GALNT1: variants seen among roughly 807,000 people sequenced by gnomAD.
The protein encoded by GALNT1 is polypeptide N-acetylgalactosaminyltransferase 1.
GALNT1 carries 17 observed loss-of-function variants against 65.7 expected under a neutral mutation model. The observed-to-expected ratio is 0.26, with a 90% CI of 0.18 to 0.39. The LOEUF (loss-of-function observed/expected upper bound fraction) is 0.39. Among genes scored for constraint, GALNT1 ranks in the 10% least tolerant of loss-of-function variants. The pLI is 1.00. For missense variants in GALNT1, 460 were observed against 672.8 expected (o/e 0.68, Z 3.50); for synonymous variants, 210 against 219.7 (o/e 0.96, Z 0.39).
chr18:35,695,725 T>C (rs796699741), intron 9 of GALNT1, among the ~76,000 whole-genome samples: 4 of 152,290 alleles, frequency 2.6e-5, no homozygotes, highest in African/African-American at 9.6e-5. Context: ...GAGGGCTACA[T>C]TGAGTTTCTT....
At chr18:35,604,370 C>T (rs1214197338) in intron 1 of GALNT1, among the ~76,000 whole-genome samples, 2 of 152,074 alleles carry the variant, frequency 1.3e-5, no homozygotes, top group African/African-American at 4.8e-5. Context: ...GTGAGTAGTG[C>T]TGCGATAAAC....
intron 1 of GALNT1, among the ~76,000 whole-genome samples, chr18:35,587,801 C>A (rs557317931): frequency 6.6e-6 from 1 of 152,132 alleles, no homozygotes; most frequent in Non-Finnish European, 1.5e-5. Context: ...AGCAATGTTT[C>A]CCTCTCAGCA....
In GALNT1 at chr18:35,709,844, TAAG is replaced by T; in HGVS notation, c.*75_*77del. The T allele has an allele frequency of 2.6e-6, 4 of 1,543,460 alleles. No homozygotes were observed. The highest frequency in any genetic ancestry group is 3.5e-6 in the Non-Finnish European group (4 of 1,135,074). ...TCAGCATACATTTCTGCCACATTCT[TAAG>T]TAGCAAAAAAGGAAAAGTGCTTTCC... is the stretch of plus-strand genomic sequence containing the variant. On this transcript the variant is annotated 3_prime_UTR_variant, in exon 12 of 12. Transcript: ENST00000269195.
intron 1 of GALNT1, among the ~76,000 whole-genome samples, chr18:35,615,582 G>A (rs925371161): frequency 6.6e-6 from 1 of 152,140 alleles, no homozygotes; most frequent in Non-Finnish European, 1.5e-5. Flanking sequence ...GATCTCTTGG[G>A]TTTTGTGTGC....
At chr18:35,585,226 C>T (rs149055827) in intron 1 of GALNT1, among the ~76,000 whole-genome samples, 1 of 152,256 alleles carries the variant, frequency 6.6e-6, no homozygotes, top group African/African-American at 2.4e-5. Flanking sequence ...TTCACAACCC[C>T]CGACACATGC....
Position 35,691,153 on chromosome 18 carries a change from A to T in GALNT1, c.1120A>T (p.Met374Leu). The change falls in exon 8 of 12, where the codon ATG becomes TTG. Residue 374 changes from methionine (M) to leucine (L), a missense_variant. Physicochemically the swap from Met to Leu is conservative, Grantham distance 15. Coordinates refer to ENST00000269195, the MANE Select transcript of GALNT1 (RefSeq NM_020474.4). The stretch of plus-strand genomic sequence containing the variant: ...TAACAGACGACTTGCAGAAGTGTGG[A>T]TGGATGAATTCAAGAATTTCTTCTA... ...KNNRRLAEVW[M>L]DEFKNFFYII... The T allele has an allele frequency of 6.2e-7, 1 of 1,605,846 alleles. No individual in the cohort carries two copies. The highest frequency in any genetic ancestry group is 8.5e-7 in the Non-Finnish European group (1 of 1,177,728).
At chr18:35,665,554 G>A (rs986981218) in intron 3 of GALNT1, among the ~76,000 whole-genome samples, 3 of 152,132 alleles carry the variant, frequency 2.0e-5, no homozygotes, top group African/African-American at 7.2e-5. Context: ...CCAAGACATT[G>A]TGACTTTCAG....
chr18:35,589,129 C>T (rs2046413707), intron 1 of GALNT1, among the ~76,000 whole-genome samples: 2 of 152,174 alleles, frequency 1.3e-5, no homozygotes, highest in Non-Finnish European at 2.9e-5. Context: ...ATTAGAAGTA[C>T]AGGCTCCCCA....
intron 9 of GALNT1, among the ~76,000 whole-genome samples, chr18:35,696,947 G>A (rs988819337): frequency 6.6e-6 from 1 of 152,198 alleles, no homozygotes; most frequent in East Asian, 1.9e-4. Flanking sequence ...TACTGATTCT[G>A]GAGGAGACTA....
intron 3 of GALNT1, among the ~76,000 whole-genome samples, 157 bp from the exon 4 acceptor site, chr18:35,677,434 A>G (rs1471815955): frequency 6.6e-6 from 1 of 152,250 alleles, no homozygotes; most frequent in African/African-American, 2.4e-5. Context: ...GCTATTTATT[A>G]AACACATAAC....
Position 35,636,539 on chromosome 18 carries a change from G to T in GALNT1, c.-103-18021G>T, listed in dbSNP as rs147527006. Among the ~76,000 whole-genome samples the T allele has an allele frequency of 4.6e-4, 70 of 152,258 alleles. 1 individual carries two copies. Among genetic ancestry groups the T allele is most frequent in the African/African-American group, 1.4e-3 (60 of 41,540 alleles). ...ATCTTGATGTTTCTTTGCCTGTCAG[G>T]TTTCCTTAATTGATATTTCTCTTTG... On this transcript the variant is annotated intron_variant, in intron 1 of 11. Transcript: ENST00000269195.
chr18:35,612,420 AT>A (rs942008365), intron 1 of GALNT1, among the ~76,000 whole-genome samples: 1 of 152,126 alleles, frequency 6.6e-6, no homozygotes, highest in Non-Finnish European at 1.5e-5. Context: ...TAATTTAACC[AT>A]TTTTTCAGTA....
Position 35,639,100 on chromosome 18 carries a change from A to G in GALNT1, c.-103-15460A>G, listed in dbSNP as rs139156252. On this transcript the variant is annotated intron_variant, in intron 1 of 11. Coordinates refer to ENST00000269195, the MANE Select transcript of GALNT1 (RefSeq NM_020474.4). ...AAACCTAGTTGATAAAGCAGTGGCA[A>G]GGGGTTTGAGAGGATTGGCTTCAAT... 1.4e-4 allele frequency among the ~76,000 whole-genome samples: 22 copies of G among 152,364 alleles called. No homozygotes were observed. The East Asian group carries it at 3.7e-3, about 25-fold the overall frequency.
chr18:35,684,703 A>G (rs1401530063), intron 5 of GALNT1, among the ~76,000 whole-genome samples: 1 of 152,216 alleles, frequency 6.6e-6, no homozygotes, highest in Non-Finnish European at 1.5e-5. Flanking sequence ...TAAATGCATC[A>G]TTGAGTTGGC....
At chr18:35,611,391 A>G (rs1215006181) in intron 1 of GALNT1, among the ~76,000 whole-genome samples, 1 of 152,202 alleles carries the variant, frequency 6.6e-6, no homozygotes, top group African/African-American at 2.4e-5. Context: ...CCTGTGCCAT[A>G]GTTTAACTTT....
chr18:35,689,632 C>T (rs554937921), intron 7 of GALNT1, among the ~76,000 whole-genome samples: 3 of 123,474 alleles, frequency 2.4e-5, no homozygotes, highest in African/African-American at 8.9e-5. Flanking sequence ...ATAAATTTCA[C>T]ATTTAAACAT....
At chr18:35,645,218 GTTTT>G (rs1166987925) in intron 1 of GALNT1, among the ~76,000 whole-genome samples, 27 of 54,362 alleles carry the variant, frequency 5.0e-4, no homozygotes, top group African/African-American at 1.7e-3. Flanking sequence ...TATTTTGAAT[GTTTT>G]TTTTTTTTTT....
chr18:35,592,503 C>CATTGGTG (rs759563106), intron 1 of GALNT1, among the ~76,000 whole-genome samples: 19 of 151,840 alleles, frequency 1.3e-4, no homozygotes, highest in Non-Finnish European at 2.8e-4. Flanking sequence ...GCTGAAGGGC[C>CATTGGTG]ATTGGTGCAA....
chr18:35,628,025 G>C (rs917761336), intron 1 of GALNT1, among the ~76,000 whole-genome samples: 4 of 152,182 alleles, frequency 2.6e-5, no homozygotes, highest in African/African-American at 9.7e-5. Flanking sequence ...TGGGGGAGGG[G>C]CACCCGCCAT....
Sources: gnomAD v4.1 joint callset for allele counts (sites outside exome capture counted in the v4.1 genomes callset) on GRCh38, gnomAD v4.1.1 for gene constraint, MANE v1.5 for transcripts, NCBI Gene and HGNC (gene_info 2026-07-23, HGNC 2026-07-21) for gene names.